The following EYA1 variants were observed in gnomAD, a reference collection of about 807,000 sequenced individuals.
EYA1 encodes protein phosphatase EYA1.
In EYA1, 16 loss-of-function variants were observed where a neutral mutation model predicts 82.0. The ratio of observed to expected loss-of-function variants is 0.20; its 90% CI spans 0.13 to 0.30. EYA1 has a LOEUF of 0.30. Among genes scored for constraint, EYA1 ranks in the 10% least tolerant of loss-of-function variants. EYA1 has a pLI of 1.00. For synonymous variants in EYA1, 261 were observed against 264.4 expected, an observed-to-expected ratio of 0.99 and a Z score of 0.12; for missense variants, 633 against 730.7, an observed-to-expected ratio of 0.87 and a Z score of 1.54.
chr8:71,380,708 C>T (rs1442664996), intron 2 of EYA1, among the ~76,000 whole-genome samples: 1 of 152,238 alleles, frequency 6.6e-6, no homozygotes, highest in Non-Finnish European at 1.5e-5. Context: ...ATAGGCACTT[C>T]AAATGCAATC....
chr8:71,312,720 G>A (rs1448603437), intron 7 of EYA1, among the ~76,000 whole-genome samples: 3 of 152,184 alleles, frequency 2.0e-5, no homozygotes, highest in East Asian at 3.8e-4. Context: ...TTACAGGCGT[G>A]AGCCATAGGT....
chr8:71,463,317 T>A (rs1287157793), intron 2 of EYA1, among the ~76,000 whole-genome samples: 2 of 152,250 alleles, frequency 1.3e-5, no homozygotes, highest in African/African-American at 4.8e-5. Flanking sequence ...GAGAAATGTG[T>A]TCCCCTCCAG....
At chr8:71,432,126 A>G (rs905684553) in intron 2 of EYA1, among the ~76,000 whole-genome samples, 2 of 152,166 alleles carry the variant, frequency 1.3e-5, no homozygotes, top group Non-Finnish European at 2.9e-5. Flanking sequence ...TGAACTATAC[A>G]TATTTTGCTG....
At chr8:71,492,757 G>T (rs568769252) in intron 2 of EYA1, among the ~76,000 whole-genome samples, 47 of 152,164 alleles carry the variant, frequency 3.1e-4, no homozygotes, top group African/African-American at 1.1e-3. Flanking sequence ...GAGCCACTGC[G>T]CCCGGCCTTT....
chr8:71,495,951 A>C (rs979628616), intron 2 of EYA1, among the ~76,000 whole-genome samples: 1 of 152,232 alleles, frequency 6.6e-6, no homozygotes, highest in African/African-American at 2.4e-5. Flanking sequence ...TGCAGACTCT[A>C]AAAGCAAAGT....
At chr8:71,269,880 C>G in intron 10 of EYA1, 57 bp from the exon 11 acceptor site, 1 of 1,320,392 alleles carries the variant, frequency 7.6e-7, no homozygotes, top group Non-Finnish European at 1.1e-6. Flanking sequence ...AGCTGTTATT[C>G]AGTTAACTTC....
chr8:71,512,302 G>A (rs1812659015), intron 2 of EYA1, among the ~76,000 whole-genome samples: 1 of 151,920 alleles, frequency 6.6e-6, no homozygotes, highest in Non-Finnish European at 1.5e-5. Flanking sequence ...AGCTCCATAT[G>A]TCACAGAGCC....
At position 71,354,840 on chromosome 8, in the gene EYA1, G is replaced by A; in HGVS notation, c.66C>T (p.Gly22=). 2 of 1,613,656 alleles carry A rather than the reference G, an allele frequency of 1.2e-6. No homozygotes were observed. Among genetic ancestry groups the A allele is most frequent in the African/African-American group, 2.7e-5 (2 of 75,034 alleles). Residue 22 remains glycine, a synonymous_variant, in exon 3 of 18, where the codon GGC becomes GGT. Transcript: ENST00000340726. ...TTATATGAGAGTTACCGAGTTTGGG[G>A]CCACTGGGGGATTCACTACTACCAC... The part of the protein sequence containing the change: ...RLSGSSESPS[G]PKLGNSHINS...
rs118101280 is a variant in EYA1 at position 71,541,597 on chromosome 8, A to G, written c.-72-5749T>C. On this transcript the variant is annotated intron_variant, in intron 1 of 18. Transcript: ENST00000643681. ...TTTTAATATAGTACTTACTATGTGAACAACATTAAGAAAACTCTAAATAAG... is the reference window on the plus strand; with the variant it reads ...TTTTAATATAGTACTTACTATGTGAGCAACATTAAGAAAACTCTAAATAAG... 1.3e-3 allele frequency among the ~76,000 whole-genome samples: 199 copies of G among 152,366 alleles called. 1 individual carries two copies. The East Asian group carries it at 0.033, about 25-fold the overall frequency.
At chr8:71,448,843 T>G (rs1807115802) in intron 2 of EYA1, 1 of 168,152 alleles carries the variant, frequency 5.9e-6, no homozygotes, top group South Asian at 1.8e-4. Context: ...AAACTGAACT[T>G]TTCTGTCAAA....
At chr8:71,339,717 AAGAAG>A (rs1824908493) in intron 3 of EYA1, among the ~76,000 whole-genome samples, 1 of 152,170 alleles carries the variant, frequency 6.6e-6, no homozygotes, top group Non-Finnish European at 1.5e-5. Flanking sequence ...CTATTTTACC[AAGAAG>A]ACTTTCCCAA....
chr8:71,380,259 T>G (rs893326357), intron 2 of EYA1, among the ~76,000 whole-genome samples: 2 of 152,254 alleles, frequency 1.3e-5, no homozygotes, highest in African/African-American at 2.4e-5. Flanking sequence ...CAATATTGAC[T>G]GACTTGTGGA....
chr8:71,300,615 T>A (rs1820100748), intron 7 of EYA1, among the ~76,000 whole-genome samples: 1 of 152,082 alleles, frequency 6.6e-6, no homozygotes, highest in African/African-American at 2.4e-5. Flanking sequence ...AGCAATTTTA[T>A]TTCAGGCATT....
At chr8:71,364,085 A>T (rs1307928263), upstream of EYA1, among the ~76,000 whole-genome samples, 2 of 151,932 alleles carry the variant, frequency 1.3e-5, no homozygotes, top group African/African-American at 4.8e-5. Flanking sequence ...ACCAAATGAA[A>T]TATTAAATAA....
rs530516430 is a variant in EYA1, at chr8:71,477,408, G to A, written c.33+58336C>T. The stretch of plus-strand genomic sequence containing the variant: ...AATTCAATTTTAAAATGGGCAATGG[G>A]TTTGTGTAGCCATTTTTCTAAAGAA... On this transcript the variant is annotated intron_variant, in intron 2 of 18. Transcript: ENST00000643681. Among the ~76,000 whole-genome samples the A allele has an allele frequency of 2.3e-3, 353 of 152,094 alleles. 2 individuals carry two copies. Among genetic ancestry groups the A allele is most frequent in the Middle Eastern group, 0.01 (3 of 294 alleles).
intron 2 of EYA1, among the ~76,000 whole-genome samples, chr8:71,471,409 T>C (rs548395802): frequency 6.6e-6 from 1 of 152,136 alleles, no homozygotes; most frequent in East Asian, 1.9e-4. Flanking sequence ...ATATATGGAC[T>C]GTATACATGT....
chr8:71,259,723 G>A (rs927246727), intron 11 of EYA1, among the ~76,000 whole-genome samples: 4 of 152,168 alleles, frequency 2.6e-5, no homozygotes, highest in Admixed American at 2.6e-4. Flanking sequence ...CAGATAGAAA[G>A]TTGAAGGGAA....
chr8:71,238,386 C>A (rs972138897), intron 12 of EYA1, among the ~76,000 whole-genome samples: 1 of 152,054 alleles, frequency 6.6e-6, no homozygotes, highest in African/African-American at 2.4e-5. Context: ...TCAAAAATTG[C>A]TAGGTATTTT....
At position 71,356,520 on chromosome 8, in the gene EYA1, A is replaced by G. The variant is rs1826896065; in HGVS notation, c.-54-9T>C. On this transcript the variant is annotated splice_polypyrimidine_tract_variant and intron_variant, in intron 1 of 17. Transcript: ENST00000340726. ...GCTTGAGATGTTTGCACCTGTGATCAGGGGTAAAAAAATTAGAAGATGTTG... is the reference window on the plus strand; with the variant it reads ...GCTTGAGATGTTTGCACCTGTGATCGGGGGTAAAAAAATTAGAAGATGTTG... 1 of 1,565,790 alleles carries G rather than the reference A, an allele frequency of 6.4e-7. No homozygotes were observed.
Sources: allele counts gnomAD v4.1 joint callset (sites outside exome capture counted in the v4.1 genomes callset), GRCh38; gene constraint gnomAD v4.1.1; transcripts MANE v1.5; gene names NCBI Gene and HGNC (gene_info 2026-07-23, HGNC 2026-07-21).